Variants in XKR6 observed in about 807,000 individuals in gnomAD.
The protein encoded by XKR6 is XK-related protein 6.
XKR6 carries 22 observed loss-of-function variants against 56.7 expected under a neutral mutation model. The observed-to-expected ratio is 0.39, with a 90% CI of 0.28 to 0.55. XKR6 has a LOEUF of 0.55. XKR6 is among the 20% of genes least tolerant of loss of function. The pLI, the probability that XKR6 is intolerant of heterozygous loss-of-function variation, is 0.66. For missense variants in XKR6, 852 were observed against 889.0 expected, an observed-to-expected ratio of 0.96 and a Z score of 0.53; for synonymous variants, 524 against 387.8, an observed-to-expected ratio of 1.35 and a Z score of -4.13.
At chr8:11,053,251 G>A (rs949544655) in intron 1 of XKR6, among the ~76,000 whole-genome samples, 2 of 152,182 alleles carry the variant, frequency 1.3e-5, no homozygotes, top group African/African-American at 2.4e-5. Context: ...AGATGGCAAG[G>A]GCTAGGGGCA....
At chr8:11,121,078 A>G (rs540380391) in intron 1 of XKR6, among the ~76,000 whole-genome samples, 160 of 152,348 alleles carry the variant, frequency 1.1e-3, no homozygotes, top group Non-Finnish European at 1.9e-3. Context: ...TAAAACCATA[A>G]AAACCCTAGA....
intron 1 of XKR6, among the ~76,000 whole-genome samples, chr8:11,055,559 C>T (rs966816112): frequency 6.6e-5 from 10 of 152,204 alleles, no homozygotes; most frequent in Non-Finnish European, 1.3e-4. Context: ...CCCGCCCCGC[C>T]TCACAGCACA....
chr8:11,131,532 T>C (rs902743595), intron 1 of XKR6, among the ~76,000 whole-genome samples: 17 of 152,142 alleles, frequency 1.1e-4, no homozygotes, highest in African/African-American at 4.1e-4. Flanking sequence ...CTTAAAAGCA[T>C]AAAATTCAAA....
At chr8:10,949,043 C>A (rs1801635812) in intron 1 of XKR6, among the ~76,000 whole-genome samples, 1 of 152,204 alleles carries the variant, frequency 6.6e-6, no homozygotes, top group Non-Finnish European at 1.5e-5. Context: ...ACTGAGTGAG[C>A]CTCACACTCA....
At chr8:10,908,383 A>G (rs1327055299) in intron 2 of XKR6, among the ~76,000 whole-genome samples, 1 of 151,388 alleles carries the variant, frequency 6.6e-6, no homozygotes, top group East Asian at 1.9e-4. Flanking sequence ...ATAAACATAT[A>G]TATATATATA....
At chr8:10,969,239 G>A (rs1802324859) in intron 1 of XKR6, among the ~76,000 whole-genome samples, 1 of 152,150 alleles carries the variant, frequency 6.6e-6, no homozygotes, top group Non-Finnish European at 1.5e-5. Context: ...CAACTTAGAT[G>A]CATGGTTCCT....
At chr8:11,191,844 C>G (rs1803596773) in intron 1 of XKR6, among the ~76,000 whole-genome samples, 1 of 152,046 alleles carries the variant, frequency 6.6e-6, no homozygotes, top group Non-Finnish European at 1.5e-5. Flanking sequence ...GAGTACAAAA[C>G]AGCTATTAGA....
intron 1 of XKR6, among the ~76,000 whole-genome samples, chr8:10,995,733 C>A (rs1480737366): frequency 1.3e-5 from 2 of 150,622 alleles, no homozygotes; most frequent in Admixed American, 6.6e-5. Context: ...ATTTTCAAGG[C>A]TGAACTAGAA....
intron 1 of XKR6, chr8:11,194,817 C>A: frequency 2.8e-6 from 1 of 352,216 alleles, no homozygotes; most frequent in Non-Finnish European, 5.2e-6. Flanking sequence ...CTAGTAAGCA[C>A]CTGCCTGCTA....
intron 1 of XKR6, among the ~76,000 whole-genome samples, chr8:11,120,763 AT>A (rs928531218): frequency 3.0e-4 from 45 of 152,370 alleles, no homozygotes; most frequent in African/African-American, 1.1e-3. Context: ...AGCTGGAGGT[AT>A]CACACTACCT....
chr8:11,111,155 ACTT>A (rs1281627862), intron 1 of XKR6, among the ~76,000 whole-genome samples: 1 of 151,812 alleles, frequency 6.6e-6, no homozygotes, highest in Admixed American at 6.6e-5. Flanking sequence ...CGCCTGCCCA[ACTT>A]TCCATTTTTT....
chr8:11,131,034 C>A (rs17152900), intron 1 of XKR6, among the ~76,000 whole-genome samples: 1 of 152,066 alleles, frequency 6.6e-6, no homozygotes, highest in East Asian at 1.9e-4. Flanking sequence ...AACTGAGGAC[C>A]CTGTTTTAGA....
intron 1 of XKR6, among the ~76,000 whole-genome samples, chr8:11,048,737 C>T (rs548650062): frequency 6.6e-6 from 1 of 152,260 alleles, no homozygotes; most frequent in East Asian, 1.9e-4. Context: ...TTGTGCTACC[C>T]CCTGTCCTGT....
At chr8:11,089,043 T>G (rs891900156) in intron 1 of XKR6, among the ~76,000 whole-genome samples, 1 of 152,172 alleles carries the variant, frequency 6.6e-6, no homozygotes, top group Non-Finnish European at 1.5e-5. Context: ...GGACAGGAGA[T>G]TCCAGCCAAC....
At chr8:10,988,928 G>C (rs1034418419) in intron 1 of XKR6, among the ~76,000 whole-genome samples, 10 of 152,292 alleles carry the variant, frequency 6.6e-5, no homozygotes, top group African/African-American at 2.4e-4. Flanking sequence ...AGTGTCTTAG[G>C]CAACTCACAG....
intron 1 of XKR6, among the ~76,000 whole-genome samples, chr8:11,116,799 T>C (rs1253960111): frequency 6.6e-6 from 1 of 152,194 alleles, no homozygotes; most frequent in Non-Finnish European, 1.5e-5. Context: ...TTTCCCCCTT[T>C]TTCCTTCAAC....
intron 1 of XKR6, among the ~76,000 whole-genome samples, chr8:11,125,437 C>T (rs1039634084): frequency 2.0e-5 from 3 of 152,098 alleles, no homozygotes; most frequent in Non-Finnish European, 4.4e-5. Flanking sequence ...GAAACAACTC[C>T]ATGGTTGAGT....
At position 11,167,956 on chromosome 8, in the gene XKR6, G is replaced by C. The variant is rs80260355; in HGVS notation, c.764+32620C>G. Among the ~76,000 whole-genome samples, 881 of 133,882 alleles carry C rather than the reference G, an allele frequency of 6.6e-3. 11 individuals carry two copies. Among genetic ancestry groups the C allele is most frequent in the African/African-American group, 0.023 (842 of 37,176 alleles). 87.8% of individuals were successfully genotyped at this position (133,882 alleles called of 152,430 possible). A position where few individuals can be genotyped will look rare whatever the true frequency, so the allele number is the denominator to read the frequency against. On this transcript the variant is annotated intron_variant, in intron 1 of 2. Transcript: ENST00000416569. Reference sequence around the variant, plus strand: ...GTACCAGAAGATTAACTAAGAAACAGAGACTTCAGTGACCACACAAGACAA... The same window carrying C: ...GTACCAGAAGATTAACTAAGAAACACAGACTTCAGTGACCACACAAGACAA...
At chr8:11,092,783 G>C (rs1798119219) in intron 1 of XKR6, among the ~76,000 whole-genome samples, 1 of 152,184 alleles carries the variant, frequency 6.6e-6, no homozygotes, top group Non-Finnish European at 1.5e-5. Flanking sequence ...AATTTTTCTG[G>C]TCTGCAATAA....
Sources: gnomAD v4.1 joint callset for allele counts (sites outside exome capture counted in the v4.1 genomes callset) on GRCh38, gnomAD v4.1.1 for gene constraint, MANE v1.5 for transcripts, NCBI Gene and HGNC (gene_info 2026-07-23, HGNC 2026-07-21) for gene names.